LINGO2: variants seen among roughly 807,000 people sequenced by gnomAD.
LINGO2 encodes the protein leucine-rich repeat and immunoglobulin-like domain-containing nogo receptor-interacting protein 2.
A neutral mutation model predicts 30.6 loss-of-function variants in LINGO2; 14 were observed. The ratio of observed to expected loss-of-function variants is 0.46; its 90% confidence interval spans 0.30 to 0.72. The LOEUF (loss-of-function observed/expected upper bound fraction) is 0.72. Ranked by LOEUF, LINGO2 falls within the 30% of genes least tolerant of loss-of-function variation. The pLI is 0.07. For synonymous variants in LINGO2, 317 were observed against 288.5 expected, an observed-to-expected ratio of 1.10 and a Z score of -1.00; for missense variants, 729 against 751.7, an observed-to-expected ratio of 0.97 and a Z score of 0.35.
chr9:28,429,718 A>C (rs1030321296), intron 2 of LINGO2, among the ~76,000 whole-genome samples: 4 of 152,190 alleles, frequency 2.6e-5, no homozygotes, highest in Admixed American at 2.6e-4. Context: ...TCACCACTAA[A>C]GTACTTCCAT....
intron 4 of LINGO2, among the ~76,000 whole-genome samples, chr9:28,162,002 A>G (rs529924065): frequency 1.2e-3 from 187 of 152,162 alleles, no homozygotes; most frequent in Non-Finnish European, 2.1e-3. Context: ...GACATCCAGG[A>G]GGCACTGAAC....
At chr9:28,842,568 C>G in the LINGO2 span, among the ~76,000 whole-genome samples, 1 of 151,804 alleles carries the variant, frequency 6.6e-6, no homozygotes, top group African/African-American at 2.4e-5. Flanking sequence ...TCTAAAGTCC[C>G]CACCAAATGT....
Position 28,643,601 on chromosome 9 carries a change from G to A in LINGO2, c.-365+26599C>T, listed in dbSNP as rs60069913. 8.2e-3 allele frequency among the ~76,000 whole-genome samples: 1,243 copies of A among 152,052 alleles called. 25 individuals are homozygous for A. Among genetic ancestry groups the A allele is most frequent in the African/African-American group, 0.029 (1,199 of 41,516 alleles). The stretch of plus-strand genomic sequence containing the variant: ...GAAACTATTACAAGAAAACATTGAG[G>A]AAACCTAGGATATTGGTCTGGGCAA... On this transcript the variant is annotated intron_variant, in intron 1 of 5. Coordinates refer to ENST00000379992, the Ensembl canonical transcript of LINGO2.
chr9:28,036,759 C>T (rs1429579914), intron 4 of LINGO2, among the ~76,000 whole-genome samples: 1 of 151,890 alleles, frequency 6.6e-6, no homozygotes, highest in Non-Finnish European at 1.5e-5. Context: ...AATAGATACA[C>T]GTGTAAGATA....
intron 3 of LINGO2, among the ~76,000 whole-genome samples, chr9:28,324,832 A>ACTG (rs1825169182): frequency 1.3e-5 from 2 of 152,262 alleles, no homozygotes; most frequent in South Asian, 4.2e-4. Flanking sequence ...AGCCCATGCC[A>ACTG]CTGCTCTGCC....
At chr9:28,469,515 T>A (rs1290322564) in intron 2 of LINGO2, among the ~76,000 whole-genome samples, 1 of 151,952 alleles carries the variant, frequency 6.6e-6, no homozygotes, top group Non-Finnish European at 1.5e-5. Flanking sequence ...AGAAGAGACA[T>A]TACAATCAAA....
chr9:28,714,194 C>CATATAT, the LINGO2 span, among the ~76,000 whole-genome samples: 92 of 86,850 alleles, frequency 1.1e-3, 1 homozygote, highest in African/African-American at 5.2e-3. Context: ...TATATACACA[C>CATATAT]ATACACACAC....
At position 28,204,150 on chromosome 9, in the gene LINGO2, A is replaced by T. The variant is rs1477251057; in HGVS notation, c.-87+91058T>A. 2.0e-5 allele frequency among the ~76,000 whole-genome samples: 3 copies of T among 152,214 alleles called. No homozygotes were observed. In the East Asian group the frequency reaches 5.8e-4, roughly 29 times the overall value. ...TTATTGTAGCAACTAGTTGTCACTC[A>T]GTTGTAGTTTTCCTAGACATCATGT... On this transcript the variant is annotated intron_variant, in intron 4 of 5. Transcript: ENST00000379992.
At chr9:28,454,737 T>G (rs1200190416) in intron 2 of LINGO2, among the ~76,000 whole-genome samples, 1 of 152,074 alleles carries the variant, frequency 6.6e-6, no homozygotes, top group African/African-American at 2.4e-5. Flanking sequence ...TTATTACAGC[T>G]AATTCCTTTA....
the LINGO2 span, among the ~76,000 whole-genome samples, chr9:29,132,965 C>T: frequency 2.0e-5 from 3 of 152,148 alleles, no homozygotes; most frequent in Non-Finnish European, 4.4e-5. Context: ...AGGTAATCCT[C>T]CTGCCTTAGC....
intron 4 of LINGO2, among the ~76,000 whole-genome samples, chr9:28,072,444 C>T (rs1587810124): frequency 6.6e-6 from 1 of 152,178 alleles, no homozygotes; most frequent in African/African-American, 2.4e-5. Flanking sequence ...AACCATATAG[C>T]TTACTTGGTG....
At chr9:28,869,311 T>C in the LINGO2 span, among the ~76,000 whole-genome samples, 1 of 151,846 alleles carries the variant, frequency 6.6e-6, no homozygotes, top group Admixed American at 6.6e-5. Context: ...CGGACAAGTG[T>C]AGGATCCTAC....
chr9:28,732,750 T>G, the LINGO2 span, among the ~76,000 whole-genome samples: 1 of 152,220 alleles, frequency 6.6e-6, no homozygotes, highest in African/African-American at 2.4e-5. Flanking sequence ...TTTGCTGTTG[T>G]TCTCGATATA....
chr9:28,959,242 T>C, the LINGO2 span, among the ~76,000 whole-genome samples: 1 of 152,106 alleles, frequency 6.6e-6, no homozygotes, highest in Non-Finnish European at 1.5e-5. Flanking sequence ...AGAAACGGTC[T>C]CAACATTAGA....
At chr9:28,876,108 T>C in the LINGO2 span, among the ~76,000 whole-genome samples, 1 of 152,112 alleles carries the variant, frequency 6.6e-6, no homozygotes, top group Admixed American at 6.6e-5. Context: ...AATATGGCAG[T>C]AGTCAGTGGC....
At chr9:28,620,890 C>A (rs554109983) in intron 1 of LINGO2, among the ~76,000 whole-genome samples, 5 of 151,974 alleles carry the variant, frequency 3.3e-5, no homozygotes, top group African/African-American at 1.2e-4. Flanking sequence ...AGGCTTAATA[C>A]CTAGGTGATG....
the LINGO2 span, among the ~76,000 whole-genome samples, chr9:29,183,344 TGAA>T: frequency 6.6e-6 from 1 of 152,166 alleles, no homozygotes; most frequent in Non-Finnish European, 1.5e-5. Flanking sequence ...TCTGATCACA[TGAA>T]GAAATGAAGC....
chr9:28,379,651 T>A (rs1265303753), intron 2 of LINGO2, among the ~76,000 whole-genome samples: 1 of 152,096 alleles, frequency 6.6e-6, no homozygotes, highest in Admixed American at 6.6e-5. Flanking sequence ...ACACGAATGC[T>A]ATTGTATGCT....
the LINGO2 span, among the ~76,000 whole-genome samples, chr9:28,860,648 A>C: frequency 1.2e-3 from 177 of 148,134 alleles, 1 homozygote; most frequent in Non-Finnish European, 2.2e-3. Flanking sequence ...CATATATATA[A>C]TCTGTCATGT....
Sources: gnomAD v4.1 joint callset for allele counts (sites outside exome capture counted in the v4.1 genomes callset) on GRCh38, gnomAD v4.1.1 for gene constraint, MANE v1.5 for transcripts, NCBI Gene and HGNC (gene_info 2026-07-23, HGNC 2026-07-21) for gene names.